The following PPAT variants were observed in gnomAD, a reference collection of about 807,000 sequenced individuals.
The protein encoded by PPAT is phosphoribosyl pyrophosphate amidotransferase.
PPAT carries 20 observed loss-of-function variants against 60.2 expected under a neutral mutation model. The ratio of observed to expected loss-of-function variants is 0.33; its 90% CI spans 0.23 to 0.48. PPAT has a LOEUF of 0.48. PPAT is among the 20% of genes least tolerant of loss of function. The pLI is 0.99. For missense variants in PPAT, 349 were observed against 629.6 expected, an observed-to-expected ratio of 0.55 and a Z score of 4.77; for synonymous variants, 194 against 215.1, an observed-to-expected ratio of 0.90 and a Z score of 0.86.
chr4:56,412,079 C>T (rs1382616357), intron 1 of PPAT, among the ~76,000 whole-genome samples: 1 of 152,120 alleles, frequency 6.6e-6, no homozygotes, highest in Non-Finnish European at 1.5e-5. Context: ...ATAAGTAAAT[C>T]ACTTAGCTTC....
At chr4:56,407,138 C>A (rs1350997234) in intron 2 of PPAT, among the ~76,000 whole-genome samples, 1 of 151,974 alleles carries the variant, frequency 6.6e-6, no homozygotes, top group African/African-American at 2.4e-5. Flanking sequence ...TTGAGTTGGT[C>A]TTAGGCAAAA....
intron 1 of PPAT, among the ~76,000 whole-genome samples, chr4:56,413,106 T>C (rs1368179455): frequency 2.0e-5 from 3 of 152,086 alleles, no homozygotes; most frequent in African/African-American, 7.2e-5. Context: ...CAGGAGGATA[T>C]AATTACTTTG....
intron 7 of PPAT, 95 bp from the exon 8 acceptor site, chr4:56,401,006 T>C (rs1716094189): frequency 7.8e-7 from 1 of 1,274,242 alleles, no homozygotes; most frequent in Non-Finnish European, 1.1e-6. Flanking sequence ...ACAGATTGAG[T>C]ATAAAAAGAA....
intron 3 of PPAT, among the ~76,000 whole-genome samples, chr4:56,404,716 T>C (rs1276759714): frequency 6.6e-6 from 1 of 152,170 alleles, no homozygotes; most frequent in Non-Finnish European, 1.5e-5. Context: ...ATTTTTTCAT[T>C]TGGGGACAGA....
intron 1 of PPAT, among the ~76,000 whole-genome samples, chr4:56,415,742 T>C (rs1716695510): frequency 6.6e-6 from 1 of 152,114 alleles, no homozygotes; most frequent in Admixed American, 6.6e-5. Context: ...GCCTACTCTG[T>C]TAGAGCACCC....
rs1322858239 is a variant in PPAT at position 56,394,548 on chromosome 4, C to T, written c.*804G>A. ...TATCAGGGCACTAAATACTATGGATCACATTTTCTAGTCAAATGTAGGAAA... is the reference window on the plus strand; with the variant it reads ...TATCAGGGCACTAAATACTATGGATTACATTTTCTAGTCAAATGTAGGAAA... On this transcript the variant is annotated 3_prime_UTR_variant, in exon 11 of 11. Coordinates refer to ENST00000264220, the MANE Select transcript of PPAT (RefSeq NM_002703.5). 6.6e-6 allele frequency: 1 copy of T among 152,056 alleles called. No individual in the cohort carries two copies. The highest frequency in any genetic ancestry group is 1.5e-5 in the Non-Finnish European group (1 of 68,014). 9.4% of individuals were successfully genotyped at this position (152,056 alleles called of 1,614,324 possible). A position where few individuals can be genotyped will look rare whatever the true frequency, so the allele number is the denominator to read the frequency against.
chr4:56,414,929 ATT>A (rs1431362944), intron 1 of PPAT, among the ~76,000 whole-genome samples: 2 of 152,206 alleles, frequency 1.3e-5, no homozygotes, highest in Non-Finnish European at 2.9e-5. Context: ...ATTTTTGACA[ATT>A]TTTACCTTGA....
chr4:56,409,394 T>C (rs989643180), intron 1 of PPAT, among the ~76,000 whole-genome samples: 6 of 152,188 alleles, frequency 3.9e-5, no homozygotes, highest in East Asian at 1.9e-4. Context: ...AAATGCATAG[T>C]TGGTAACCAT....
Position 56,435,439 on chromosome 4 carries a change from G to A in PPAT, c.39C>T (p.Gly13=). Residue 13 remains glycine, a synonymous_variant, in exon 1 of 11, where the codon GGC becomes GGT. Transcript: ENST00000264220. ...CTCCTGAGGCGATGCACCCGAACAC[G>A]CCACATTCCTCTCGGATCCCCAACT... The part of the protein sequence containing the change: ...LEELGIREEC[G]VFGCIASGEW... The A allele has an allele frequency of 1.2e-6, 2 of 1,613,836 alleles. No homozygotes were observed. Among genetic ancestry groups the A allele is most frequent in the Non-Finnish European group, 1.7e-6 (2 of 1,179,870 alleles).
At chr4:56,405,648 T>G (rs998126232) in intron 3 of PPAT, among the ~76,000 whole-genome samples, 1 of 152,242 alleles carries the variant, frequency 6.6e-6, no homozygotes, top group African/African-American at 2.4e-5. Context: ...AGCTTCTGGA[T>G]AGCTGAACAC....
chr4:56,401,819 TAA>T (rs1306105936), intron 6 of PPAT, among the ~76,000 whole-genome samples: 4 of 152,138 alleles, frequency 2.6e-5, no homozygotes, highest in Admixed American at 2.6e-4. Context: ...CTTTCTAAAA[TAA>T]GTCTCTATTT....
Position 56,393,400 on chromosome 4 carries a change from T to C in PPAT, c.*1952A>G, listed in dbSNP as rs2110034758. Reference sequence around the variant, plus strand: ...ATTACACATATTTATCAACAAGGCATCACAAATAAGTCACAAAAAGTAGGC... The same window carrying C: ...ATTACACATATTTATCAACAAGGCACCACAAATAAGTCACAAAAAGTAGGC... On this transcript the variant is annotated 3_prime_UTR_variant, in exon 11 of 11. Coordinates refer to ENST00000264220, the MANE Select transcript of PPAT (RefSeq NM_002703.5). 6.6e-6 allele frequency: 1 copy of C among 151,566 alleles called. No individual in the cohort carries two copies. The highest frequency in any genetic ancestry group is 2.4e-5 in the African/African-American group (1 of 41,312). The allele number at this position is 151,566 out of a possible 1,614,324, so 9.4% of individuals were successfully genotyped here.
At chr4:56,397,613 G>A (rs888619566) in intron 9 of PPAT, among the ~76,000 whole-genome samples, 1 of 151,998 alleles carries the variant, frequency 6.6e-6, no homozygotes, top group African/African-American at 2.4e-5. Flanking sequence ...TCTCACTTCT[G>A]TAGTATGAGC....
At chr4:56,422,724 G>A (rs921153362) in intron 1 of PPAT, 2 of 151,956 alleles carry the variant, frequency 1.3e-5, no homozygotes, top group African/African-American at 2.4e-5. Context: ...ATTAATAGAC[G>A]CTACCATACC....
At chr4:56,435,281 C>A (rs916697646) in intron 1 of PPAT, 69 bp downstream of exon 1, 6 of 1,598,918 alleles carry the variant, frequency 3.8e-6, no homozygotes, top group Middle Eastern at 1.7e-4. Context: ...CTCATGAGAA[C>A]GCCGACTGCG....
At chr4:56,399,549 C>T (rs1716062380) in intron 8 of PPAT, 149 bp from the exon 9 acceptor site, 1 of 622,952 alleles carries the variant, frequency 1.6e-6, no homozygotes, top group Non-Finnish European at 2.7e-6. Context: ...AGAAAAACCA[C>T]TAAACAAAAT....
At chr4:56,432,079 CTATT>C (rs140650571) in intron 1 of PPAT, among the ~76,000 whole-genome samples, 2 of 152,290 alleles carry the variant, frequency 1.3e-5, no homozygotes, top group East Asian at 1.9e-4. Flanking sequence ...AATTGATACT[CTATT>C]TATTTTTATA....
intron 9 of PPAT, among the ~76,000 whole-genome samples, chr4:56,398,770 T>G (rs1716044903): frequency 6.6e-6 from 1 of 152,156 alleles, no homozygotes; most frequent in Non-Finnish European, 1.5e-5. Flanking sequence ...AGTTAGTCTT[T>G]GAATAAATTT....
chr4:56,422,321 A>C (rs1287687957), intron 1 of PPAT: 2 of 152,234 alleles, frequency 1.3e-5, no homozygotes, highest in Non-Finnish European at 2.9e-5. Flanking sequence ...CCTGAAGTAA[A>C]TTTAAAAAGC....
Sources: allele counts gnomAD v4.1 joint callset (sites outside exome capture counted in the v4.1 genomes callset), GRCh38; gene constraint gnomAD v4.1.1; transcripts MANE v1.5; gene names NCBI Gene and HGNC (gene_info 2026-07-23, HGNC 2026-07-21).